PCDHGA11: variants seen among roughly 807,000 people sequenced by gnomAD.
The protein encoded by PCDHGA11 is protocadherin gamma-A11.
In PCDHGA11, 39 loss-of-function variants were observed where a neutral mutation model predicts 60.4. The ratio of observed to expected loss-of-function variants is 0.65; its 90% CI spans 0.50 to 0.84. The LOEUF is 0.84. PCDHGA11 is among the 40% of genes least tolerant of loss of function. The pLI, the probability that PCDHGA11 is intolerant of heterozygous loss-of-function variation, is 0.00. For synonymous variants in PCDHGA11, 533 were observed against 510.3 expected, an observed-to-expected ratio of 1.04 and a Z score of -0.60; for missense variants, 1,165 against 1,197.7, an observed-to-expected ratio of 0.97 and a Z score of 0.40.
chr5:141,438,623 TATATATATATATACAC>T (rs1207200307), intron 1 of PCDHGA11, among the ~76,000 whole-genome samples: 21 of 42,842 alleles, frequency 4.9e-4, no homozygotes, highest in South Asian at 2.6e-3. Flanking sequence ...TATATATATA[TATATATATATATACAC>T]ACACACACAC....
chr5:141,503,608 A>AAAAAAAG (rs1483073868), intron 2 of PCDHGA11, among the ~76,000 whole-genome samples: 1 of 151,994 alleles, frequency 6.6e-6, no homozygotes, highest in East Asian at 1.9e-4. Flanking sequence ...CAAAAAAAAA[A>AAAAAAAG]AAAAAAGAAA....
In PCDHGA11 at chr5:141,422,304, A is replaced by G; in HGVS notation, c.1077A>G (p.Glu359=). Residue 359 remains glutamate (E), a synonymous_variant, in exon 1 of 4, where the codon GAA becomes GAG. Coordinates refer to ENST00000398587, the MANE Select transcript of PCDHGA11 (RefSeq NM_018914.3). ...TITSSINSIL[E]NSPPGTVIAL... ...CCTCTTCTATTAATTCAATTCTGGA[A>G]AACTCTCCTCCAGGTACAGTGATTG... 1 of 1,548,524 alleles carries G rather than the reference A, an allele frequency of 6.5e-7. No homozygotes were observed. Among genetic ancestry groups the G allele is most frequent in the Non-Finnish European group, 8.7e-7 (1 of 1,154,542 alleles).
At chr5:141,428,004 G>A in intron 1 of PCDHGA11, 1 of 1,601,732 alleles carries the variant, frequency 6.2e-7, no homozygotes, top group Non-Finnish European at 8.5e-7. Flanking sequence ...CGCACTCTTC[G>A]ATATAGTGCC....
Position 141,485,715 on chromosome 5 carries a change from A to G in PCDHGA11, c.2434-9092A>G. The G allele has an allele frequency of 6.2e-7, 1 of 1,614,114 alleles. No homozygotes were observed. Among genetic ancestry groups the G allele is most frequent in the Non-Finnish European group, 8.5e-7 (1 of 1,180,012 alleles). On this transcript the variant is annotated intron_variant, in intron 1 of 3. Transcript: ENST00000398587. The surrounding 1 kb of genome is among the most constrained non-coding windows in gnomAD (Gnocchi z 5.7). ...AGCTCCAATGAACACTTTGCACTGGATGTGAAGAAGCGCAGCGACGGCAGC... is the reference window on the plus strand; with the variant it reads ...AGCTCCAATGAACACTTTGCACTGGGTGTGAAGAAGCGCAGCGACGGCAGC...
intron 1 of PCDHGA11, 97 bp downstream of exon 1, chr5:141,423,757 G>T (rs562479446): frequency 7.3e-5 from 29 of 395,130 alleles, no homozygotes; most frequent in Non-Finnish European, 9.5e-5. Flanking sequence ...GTTTGGGGGG[G>T]GGGTGGGGCG....
At position 141,491,121 on chromosome 5, in the gene PCDHGA11, G is replaced by T. The variant is rs1176877834; in HGVS notation, c.2434-3686G>T. On this transcript the variant is annotated intron_variant, in intron 1 of 3. Transcript: ENST00000398587. The surrounding 1 kb of genome is among the most constrained non-coding windows in gnomAD (Gnocchi z 6.9). ...TCCTCGTGTCTACACACACTGGTGA[G>T]GTGCGCACAGCCCGGGCCTTACTGG... 5 of 1,614,200 alleles carry T rather than the reference G, an allele frequency of 3.1e-6. No individual in the cohort carries two copies. In the South Asian group the frequency reaches 5.5e-5, roughly 18 times the overall value.
chr5:141,469,510 G>T (rs1022804863), intron 1 of PCDHGA11, among the ~76,000 whole-genome samples: 3 of 152,118 alleles, frequency 2.0e-5, no homozygotes, highest in African/African-American at 7.2e-5. Context: ...GGGAGGTGGA[G>T]GTTGCAGTGA....
chr5:141,481,104 C>T (rs2099531861), intron 1 of PCDHGA11, among the ~76,000 whole-genome samples: 1 of 152,130 alleles, frequency 6.6e-6, no homozygotes. Context: ...ACTCTGGAAC[C>T]TACCAATCCA....
chr5:141,445,584 G>A lies in PCDHGA11; in HGVS notation c.2433+21924G>A, dbSNP rs540956709. ...AGAAAGCTTATAGTAGGGAAGCTTC[G>A]CCTAATCTGAAGGTCAAGGAAGGCT... On this transcript the variant is annotated intron_variant, in intron 1 of 3. Transcript: ENST00000398587. Among the ~76,000 whole-genome samples, 116 of 152,286 alleles carry A rather than the reference G, an allele frequency of 7.6e-4. 2 individuals are homozygous for A. Among genetic ancestry groups the A allele is most frequent in the Non-Finnish European group, 2.4e-4 (16 of 68,024 alleles).
chr5:141,441,547 A>G (rs1393958373), intron 1 of PCDHGA11: 1 of 182,772 alleles, frequency 5.5e-6, no homozygotes, highest in Admixed American at 6.4e-5. Context: ...CAAAGCCTCC[A>G]TAGTGTGCAA....
At chr5:141,501,290 TACACACACACACACAC>T (rs55762287) in intron 2 of PCDHGA11, among the ~76,000 whole-genome samples, 7 of 136,164 alleles carry the variant, frequency 5.1e-5, no homozygotes, top group South Asian at 2.4e-4. Context: ...TATTCCCTTA[TACACACACACACACAC>T]ACACACACAC....
intron 1 of PCDHGA11, among the ~76,000 whole-genome samples, chr5:141,465,683 A>G (rs2099107378): frequency 6.6e-6 from 1 of 152,236 alleles, no homozygotes; most frequent in African/African-American, 2.4e-5. Context: ...GCTCTTGACC[A>G]GTCTGCTTTT....
chr5:141,423,693 G>A (rs114008539), intron 1 of PCDHGA11, 33 bp downstream of exon 1: 1 of 1,396,244 alleles, frequency 7.2e-7, no homozygotes, highest in Non-Finnish European at 9.4e-7. Flanking sequence ...CTAATTGTTG[G>A]TGTCTTGGCA....
intron 1 of PCDHGA11, chr5:141,478,511 C>CA: frequency 3.1e-6 from 5 of 1,611,778 alleles, no homozygotes; most frequent in Non-Finnish European, 4.2e-6. Context: ...GTTCTATAGG[C>CA]AGGTGTTGGG....
Position 141,486,253 on chromosome 5 carries a change from C to A in PCDHGA11, c.2434-8554C>A. The A allele has an allele frequency of 6.2e-7, 1 of 1,614,138 alleles. No individual in the cohort carries two copies. Among genetic ancestry groups the A allele is most frequent in the Non-Finnish European group, 8.5e-7 (1 of 1,180,006 alleles). On this transcript the variant is annotated intron_variant, in intron 1 of 3. Transcript: ENST00000398587. This position sits in a 1 kb window ranked among gnomAD's most constrained non-coding sequence, Gnocchi z 5.0. ...TGACCTCAGAGCTTGGAACCCTCCC[C>A]GAGAGTGCAGAACCTGGCACTGTGG...
At chr5:141,496,329 C>T (rs1435070517) in intron 2 of PCDHGA11, among the ~76,000 whole-genome samples, 2 of 152,186 alleles carry the variant, frequency 1.3e-5, no homozygotes, top group South Asian at 4.1e-4. Context: ...AGTTAGAAGT[C>T]AGGAGCCTGG....
rs368512862 is a variant in PCDHGA11 at position 141,491,734 on chromosome 5, G to T, written c.2434-3073G>T. ...CTCGGCGCCGCCCCGGGCGACCCCT[G>T]GGGGCGGCACTGGAGAAGCCGCCCG... On this transcript the variant is annotated intron_variant, in intron 1 of 3. Transcript: ENST00000398587. The surrounding 1 kb of genome is among the most constrained non-coding windows in gnomAD (Gnocchi z 6.9). 2.5e-4 allele frequency: 403 copies of T among 1,602,056 alleles called. No individual in the cohort carries two copies. Among genetic ancestry groups the T allele is most frequent in the Non-Finnish European group, 3.2e-4 (380 of 1,174,948 alleles).
chr5:141,435,686 T>C (rs2097774326), intron 1 of PCDHGA11, among the ~76,000 whole-genome samples: 1 of 152,340 alleles, frequency 6.6e-6, no homozygotes, highest in Non-Finnish European at 1.5e-5. Flanking sequence ...GAGAACTTTA[T>C]GCTTATTGTA....
chr5:141,510,323 C>A (rs1173679711), intron 3 of PCDHGA11, among the ~76,000 whole-genome samples: 1 of 151,234 alleles, frequency 6.6e-6, no homozygotes, highest in East Asian at 2.0e-4. Flanking sequence ...TGGAAGAGCA[C>A]TCTTCACCCC....
Sources: gnomAD v4.1 joint callset for allele counts (sites outside exome capture counted in the v4.1 genomes callset) on GRCh38, gnomAD v4.1.1 for gene constraint, Gnocchi (gnomAD v3.1) non-coding constraint, MANE v1.5 for transcripts, NCBI Gene and HGNC (gene_info 2026-07-23, HGNC 2026-07-21) for gene names.